Variants in REG1A observed in about 807,000 individuals in gnomAD.
REG1A encodes lithostathine-1-alpha.
REG1A carries 20 observed loss-of-function variants against 20.7 expected under a neutral mutation model. The ratio of observed to expected loss-of-function variants is 0.97; its 90% CI spans 0.68 to 1.41. REG1A has a LOEUF of 1.41. Ranked by LOEUF, REG1A falls within the 40% of genes most tolerant of loss-of-function variation. The pLI, the probability that REG1A is intolerant of heterozygous loss-of-function variation, is 0.00. For synonymous variants in REG1A, 90 were observed against 71.6 expected, an observed-to-expected ratio of 1.26 and a Z score of -1.30; for missense variants, 193 against 201.8, an observed-to-expected ratio of 0.96 and a Z score of 0.26.
At chr2:79,120,960 GC>G (rs781036464) in intron 2 of REG1A, 35 bp downstream of exon 2, 158 of 1,564,456 alleles carry the variant, frequency 1.0e-4, no homozygotes, top group Non-Finnish European at 1.4e-4. Flanking sequence ...ACTCTTTCTA[GC>G]CCTGAAGACT....
intron 5 of REG1A, 65 bp from the exon 6 acceptor site, chr2:79,123,083 C>G: frequency 6.8e-7 from 1 of 1,479,264 alleles, no homozygotes; most frequent in Non-Finnish European, 9.4e-7. Flanking sequence ...TGTCCTGAGT[C>G]CTAAAGCCAG....
chr2:79,120,975 C>T (rs1220515809), intron 2 of REG1A, 50 bp downstream of exon 2: 2 of 1,433,704 alleles, frequency 1.4e-6, no homozygotes, highest in African/African-American at 2.9e-5. Flanking sequence ...GAAGACTTCA[C>T]TCTATCCCCA....
rs11557482 is a variant in REG1A at position 79,122,088 on chromosome 2, A to T, written c.284A>T (p.Asp95Val). 1 of 1,613,972 alleles carries T rather than the reference A, an allele frequency of 6.2e-7. No individual in the cohort carries two copies. Among genetic ancestry groups the T allele is most frequent in the South Asian group, 1.1e-5 (1 of 91,078 alleles). ...CTGATTAAGGAGAGTGGCACTGATGACTTCAATGTCTGGATTGGCCTCCAT... is the reference window on the plus strand; with the variant it reads ...CTGATTAAGGAGAGTGGCACTGATGTCTTCAATGTCTGGATTGGCCTCCAT... ...ASLIKESGTD[D>V]FNVWIGLHDP... is the part of the protein sequence containing the mutation. Residue 95 changes from aspartate (D) to valine (V), a missense_variant, in exon 4 of 6, where the codon GAC becomes GTC. Asp to Val is a radical substitution (Grantham distance 152). Transcript: ENST00000233735.
At position 79,121,607 on chromosome 2, in the gene REG1A, C is replaced by T; in HGVS notation, c.110C>T (p.Pro37Leu). The change falls in exon 3 of 6, where the codon CCA becomes CTA. Residue 37 changes from proline to leucine, a missense_variant. Coordinates refer to ENST00000233735, the MANE Select transcript of REG1A (RefSeq NM_002909.5). ...TTGCCCCAGGCCCGGATCAGCTGCC[C>T]AGAAGGCACCAATGCCTATCGCTCC... Reference protein sequence around the residue: ...TELPQARISCPEGTNAYRSYC... With the variant: ...TELPQARISCLEGTNAYRSYC... 1 of 1,614,092 alleles carries T rather than the reference C, an allele frequency of 6.2e-7. No homozygotes were observed. The highest frequency in any genetic ancestry group is 8.5e-7 in the Non-Finnish European group (1 of 1,180,002).
chr2:79,120,585 G>A (rs1422082871), intron 1 of REG1A, 71 bp downstream of exon 1: 3 of 353,300 alleles, frequency 8.5e-6, no homozygotes, highest in Admixed American at 4.7e-5. Flanking sequence ...GGAAGATACA[G>A]CATGAGTTTC....
chr2:79,121,383 T>C (rs1672884018), intron 2 of REG1A, among the ~76,000 whole-genome samples, 179 bp from the exon 3 acceptor site: 1 of 152,212 alleles, frequency 6.6e-6, no homozygotes, highest in Non-Finnish European at 1.5e-5. Context: ...TTCTGTTTTT[T>C]TTCCCCTGAT....
In REG1A at chr2:79,122,836, T is replaced by A; in HGVS notation, c.322-5T>A. The A allele has an allele frequency of 6.2e-7, 1 of 1,611,674 alleles. No homozygotes were observed. The highest frequency in any genetic ancestry group is 1.3e-5 in the African/African-American group (1 of 74,974). On this transcript the variant is annotated splice_polypyrimidine_tract_variant and splice_region_variant and intron_variant, in intron 4 of 5. Transcript: ENST00000233735. ...CTGCCTCTGTTCTGGCCCTTCCCCA[T>A]CTAGAACCGCCGCTGGCACTGGAGC...
rs770920537 is a variant in REG1A at position 79,122,112 on chromosome 2, A to G, written c.308A>G (p.His103Arg). The change falls in exon 4 of 6, where the codon CAT becomes CGT. Residue 103 changes from histidine (H) to arginine (R), a missense_variant. His to Arg is a conservative substitution (Grantham distance 29). Coordinates refer to ENST00000233735, the MANE Select transcript of REG1A (RefSeq NM_002909.5). ...GACTTCAATGTCTGGATTGGCCTCCATGACCCCAAAAAGGTAGGCTGCAGC... is the reference window on the plus strand; with the variant it reads ...GACTTCAATGTCTGGATTGGCCTCCGTGACCCCAAAAAGGTAGGCTGCAGC... ...TDDFNVWIGL[H>R]DPKKNRRWHW... The G allele has an allele frequency of 7.4e-6, 12 of 1,614,070 alleles. No individual in the cohort carries two copies. Among genetic ancestry groups the G allele is most frequent in the Non-Finnish European group, 8.5e-6 (10 of 1,179,986 alleles).
At chr2:79,122,753 T>A in intron 4 of REG1A, 88 bp from the exon 5 acceptor site, 1 of 858,750 alleles carries the variant, frequency 1.2e-6, no homozygotes, top group Non-Finnish European at 2.0e-6. Context: ...CTTTGTGTCT[T>A]AGCATGTTTC....
intron 3 of REG1A, 102 bp from the exon 4 acceptor site, chr2:79,121,886 A>G: frequency 1.3e-6 from 2 of 1,491,998 alleles, no homozygotes; most frequent in Non-Finnish European, 1.9e-6. Flanking sequence ...ATCATCACGG[A>G]CATTACTCTG....
At chr2:79,121,038 T>C in intron 2 of REG1A, 113 bp downstream of exon 2, 1 of 820,668 alleles carries the variant, frequency 1.2e-6, no homozygotes, top group Non-Finnish European at 1.9e-6. Flanking sequence ...CTGTTAAGGG[T>C]TGTTTTGTGG....
At chr2:79,122,187 G>T (rs1234015126) in intron 4 of REG1A, 62 bp downstream of exon 4, 8 of 1,562,496 alleles carry the variant, frequency 5.1e-6, no homozygotes, top group East Asian at 4.5e-5. Context: ...GGAGGTTCAA[G>T]TTCTGGTCTC....
chr2:79,123,281 G>A lies in REG1A; in HGVS notation c.*66G>A, dbSNP rs1389597493. The A allele has an allele frequency of 3.9e-6, 4 of 1,037,020 alleles. No individual in the cohort carries two copies. The highest frequency in any genetic ancestry group is 3.2e-5 in the African/African-American group (2 of 62,796). The allele number at this position is 1,037,020 out of a possible 1,614,324, so 64.2% of individuals were successfully genotyped here. On this transcript the variant is annotated 3_prime_UTR_variant, in exon 6 of 6. Transcript: ENST00000233735. ...TACAACGGAGTCAAAAATTAAACCG[G>A]ACCATCTCTCCAACTCAACTCAACC... is the stretch of plus-strand genomic sequence containing the variant.
chr2:79,123,300 C>A lies in REG1A; in HGVS notation c.*85C>A. 1 of 810,992 alleles carries A rather than the reference C, an allele frequency of 1.2e-6. No homozygotes were observed. The highest frequency in any genetic ancestry group is 2.0e-6 in the Non-Finnish European group (1 of 492,618). 50.2% of individuals were successfully genotyped at this position (810,992 alleles called of 1,614,324 possible). A position where few individuals can be genotyped will look rare whatever the true frequency, so the allele number is the denominator to read the frequency against. On this transcript the variant is annotated 3_prime_UTR_variant, in exon 6 of 6. Transcript: ENST00000233735. The stretch of plus-strand genomic sequence containing the variant: ...AAACCGGACCATCTCTCCAACTCAA[C>A]TCAACCTGGACACTCTCTTCTCTGC...
intron 5 of REG1A, 96 bp from the exon 6 acceptor site, chr2:79,123,052 A>G (rs2104066004): frequency 2.1e-6 from 3 of 1,436,736 alleles, no homozygotes; most frequent in South Asian, 1.2e-5. Flanking sequence ...CTCCTCATTA[A>G]GGAAATGGAT....
At position 79,120,875 on chromosome 2, in the gene REG1A, G is replaced by A. The variant is rs776690047; in HGVS notation, c.14G>A (p.Ser5Asn). 2 of 1,612,966 alleles carry A rather than the reference G, an allele frequency of 1.2e-6. No homozygotes were observed. The highest frequency in any genetic ancestry group is 1.1e-5 in the South Asian group (1 of 90,960). The part of the protein sequence containing the change: MAQT[S>N]SYFMLISCLM... ...TTGCAGCTCAGCATGGCTCAGACCA[G>A]CTCATACTTCATGCTGATCTCCTGC... Residue 5 changes from serine to asparagine, a missense_variant, in exon 2 of 6, where the codon AGC becomes AAC. Transcript: ENST00000233735.
In REG1A at chr2:79,122,787, A is replaced by T. The variant is rs993664473; in HGVS notation, c.322-54A>T. The T allele has an allele frequency of 2.3e-5, 27 of 1,194,846 alleles. No homozygotes were observed. The African/African-American group carries it at 3.7e-4, about 17-fold the overall frequency. The allele number at this position is 1,194,846 out of a possible 1,614,324, so 74.0% of individuals were successfully genotyped here. A position where few individuals can be genotyped will look rare whatever the true frequency, so the allele number is the denominator to read the frequency against. ...TCTGAGTGTGCACACAGGCCCAGTGATTCCATGTATTTTTGAGTGACCACT... is the reference window on the plus strand; with the variant it reads ...TCTGAGTGTGCACACAGGCCCAGTGTTTCCATGTATTTTTGAGTGACCACT... On this transcript the variant is annotated intron_variant, in intron 4 of 5. Transcript: ENST00000233735.
intron 4 of REG1A, 62 bp from the exon 5 acceptor site, chr2:79,122,779 G>A (rs1246046907): frequency 2.8e-6 from 3 of 1,083,610 alleles, no homozygotes; most frequent in Admixed American, 3.4e-5. Context: ...GTGCACACAG[G>A]CCCAGTGATT....
Position 79,120,853 on chromosome 2 carries a change from C to A in REG1A, c.-9C>A, listed in dbSNP as rs778995549. 1.9e-6 allele frequency: 3 copies of A among 1,599,790 alleles called. No individual in the cohort carries two copies. The highest frequency in any genetic ancestry group is 1.7e-5 in the Admixed American group (1 of 58,902). The stretch of plus-strand genomic sequence containing the variant: ...TGCCTCTTAAGCAAGAGATTCATTG[C>A]AGCTCAGCATGGCTCAGACCAGCTC... On this transcript the variant is annotated 5_prime_UTR_variant, in exon 2 of 6. Transcript: ENST00000233735.
Sources: allele counts gnomAD v4.1 joint callset (sites outside exome capture counted in the v4.1 genomes callset), GRCh38; gene constraint gnomAD v4.1.1; transcripts MANE v1.5; gene names NCBI Gene and HGNC (gene_info 2026-07-23, HGNC 2026-07-21).